ANKRD31: variants seen among roughly 807,000 people sequenced by gnomAD.
The protein encoded by ANKRD31 is ankyrin repeat domain 31.
ANKRD31 carries 147 observed loss-of-function variants against 186.0 expected under a neutral mutation model. The ratio of observed to expected loss-of-function variants is 0.79; its 90% CI spans 0.69 to 0.91. The LOEUF (loss-of-function observed/expected upper bound fraction) is 0.91, where lower values mean the gene tolerates loss of function less well. Among genes scored for constraint, ANKRD31 ranks in the 40% least tolerant of loss-of-function variants. The pLI, the probability that ANKRD31 is intolerant of heterozygous loss-of-function variation, is 0.00. For missense variants in ANKRD31, 1,986 were observed against 2,148.8 expected, an observed-to-expected ratio of 0.92 and a Z score of 1.50; for synonymous variants, 673 against 736.4, an observed-to-expected ratio of 0.91 and a Z score of 1.39.
chr5:75,110,740 C>A (rs1747711507), intron 20 of ANKRD31, among the ~76,000 whole-genome samples: 1 of 149,634 alleles, frequency 6.7e-6, no homozygotes, highest in South Asian at 2.2e-4. Flanking sequence ...AGCAACATGG[C>A]AAATGAAAAT....
chr5:75,129,368 T>C (rs898400167), intron 17 of ANKRD31, among the ~76,000 whole-genome samples: 3 of 152,332 alleles, frequency 2.0e-5, no homozygotes, highest in Non-Finnish European at 4.4e-5. Context: ...TAATACAGCT[T>C]CTTTTAGCCA....
chr5:75,068,546 A>C lies in ANKRD31; in HGVS notation c.5766T>G (p.Cys1922Trp), dbSNP rs1561386192. 4 of 1,519,482 alleles carry C rather than the reference A, an allele frequency of 2.6e-6. No homozygotes were observed. The highest frequency in any genetic ancestry group is 5.0e-5 in the East Asian group (2 of 40,338). 94.1% of individuals were successfully genotyped at this position (1,519,482 alleles called of 1,614,324 possible). Residue 1922 changes from cysteine (C) to tryptophan (W), a missense_variant, in exon 26 of 26, where the codon TGT becomes TGG. Transcript: ENST00000506364. ...CHIMDQHWKF[C>W]VECEELTP ...AGGGTGTTAGTTCCTCACATTCCAC[A>C]CAAAACTTCCAATGCTGATCCATTA...
chr5:75,192,808 T>C lies in ANKRD31; in HGVS notation c.1299-32A>G, dbSNP rs1489140958. On this transcript the variant is annotated intron_variant, in intron 8 of 25. Coordinates refer to ENST00000506364, the MANE Select transcript of ANKRD31 (RefSeq NM_001372053.1). ...AAACAACGTATTTTTTAAATGGCTATAACGGTTTTTGCAAACATTCACAGA... is the reference window on the plus strand; with the variant it reads ...AAACAACGTATTTTTTAAATGGCTACAACGGTTTTTGCAAACATTCACAGA... 4 of 1,449,422 alleles carry C rather than the reference T, an allele frequency of 2.8e-6. No homozygotes were observed. The Admixed American group carries it at 6.6e-5, about 24-fold the overall frequency. The allele number at this position is 1,449,422 out of a possible 1,614,324, so 89.8% of individuals were successfully genotyped here. A position where few individuals can be genotyped will look rare whatever the true frequency, so the allele number is the denominator to read the frequency against.
chr5:75,196,130 G>A lies in ANKRD31; in HGVS notation c.518C>T (p.Thr173Ile), dbSNP rs190794746. ...TAATGATGTCTCCTTTACAGCAACT[G>A]TATCAGATACTGTAATAGCAGTGCC... ...LSGTAITVSD[T>I]VAVKETSLVE... Residue 173 changes from threonine to isoleucine, a missense_variant, in exon 7 of 26, where the codon ACA becomes ATA. Coordinates refer to ENST00000506364, the MANE Select transcript of ANKRD31 (RefSeq NM_001372053.1). 1.3e-6 allele frequency: 2 copies of A among 1,532,820 alleles called. No homozygotes were observed. Among genetic ancestry groups the A allele is most frequent in the Admixed American group, 2.0e-5 (1 of 49,960 alleles). 95.0% of individuals were successfully genotyped at this position (1,532,820 alleles called of 1,614,324 possible). A position where few individuals can be genotyped will look rare whatever the true frequency, so the allele number is the denominator to read the frequency against.
At chr5:75,226,307 T>C (rs1015555300) in intron 2 of ANKRD31, among the ~76,000 whole-genome samples, 4 of 152,226 alleles carry the variant, frequency 2.6e-5, no homozygotes, top group Middle Eastern at 3.4e-3. Context: ...GTAGTGAACA[T>C]AGGTGGTAGC....
chr5:75,236,702 A>G lies in ANKRD31; in HGVS notation c.-16T>C. The stretch of plus-strand genomic sequence containing the variant: ...CTTCCTCCATCTTTGCCTCACATTC[A>G]AAGTCTTTTTTACCCTCCTCTAACT... On this transcript the variant is annotated 5_prime_UTR_variant, in exon 1 of 26. Transcript: ENST00000506364. The G allele has an allele frequency of 6.5e-7, 1 of 1,534,108 alleles. No homozygotes were observed. Among genetic ancestry groups the G allele is most frequent in the Non-Finnish European group, 8.7e-7 (1 of 1,144,902 alleles).
At chr5:75,121,429 G>GGA (rs1359283478) in intron 17 of ANKRD31, among the ~76,000 whole-genome samples, 6 of 151,998 alleles carry the variant, frequency 3.9e-5, no homozygotes, top group Admixed American at 3.9e-4. Flanking sequence ...AAGAAACACA[G>GGA]GAGTTAAATT....
At chr5:75,084,731 A>G (rs73127364) in intron 23 of ANKRD31, among the ~76,000 whole-genome samples, 6,587 of 152,272 alleles carry the variant, frequency 0.043, 463 homozygotes, top group African/African-American at 0.15. Flanking sequence ...CACTTATTCA[A>G]CAACTATTAA....
intron 25 of ANKRD31, among the ~76,000 whole-genome samples, chr5:75,076,416 T>C (rs1202798994): frequency 6.6e-6 from 1 of 152,196 alleles, no homozygotes; most frequent in African/African-American, 2.4e-5. Flanking sequence ...GGTTACTGGT[T>C]TATTATAGAA....
chr5:75,123,881 T>C (rs1404952480), intron 17 of ANKRD31, among the ~76,000 whole-genome samples: 2 of 151,994 alleles, frequency 1.3e-5, no homozygotes, highest in African/African-American at 4.8e-5. Flanking sequence ...AGGCAAAGAA[T>C]TCATAAGACC....
At chr5:75,145,915 T>G in intron 14 of ANKRD31, 72 bp downstream of exon 14, 2 of 1,282,400 alleles carry the variant, frequency 1.6e-6, no homozygotes, top group Non-Finnish European at 2.0e-6. Flanking sequence ...TGAATACAAT[T>G]CAGTTGGAAA....
intron 11 of ANKRD31, among the ~76,000 whole-genome samples, chr5:75,162,344 C>T (rs183993037): frequency 3.3e-5 from 5 of 152,322 alleles, no homozygotes; most frequent in Admixed American, 6.5e-5. Context: ...TTCGGACTTG[C>T]ATAGGGCCTG....
At chr5:75,234,589 T>A (rs1031328740) in intron 1 of ANKRD31, among the ~76,000 whole-genome samples, 8 of 152,268 alleles carry the variant, frequency 5.3e-5, no homozygotes, top group Non-Finnish European at 1.2e-4. Context: ...AAATATAAGC[T>A]TTCTTTCCCA....
intron 17 of ANKRD31, among the ~76,000 whole-genome samples, chr5:75,129,327 G>A (rs907165737): frequency 2.6e-5 from 4 of 152,160 alleles, no homozygotes; most frequent in African/African-American, 9.7e-5. Context: ...CCCAGCCTCA[G>A]GTAGTTTTTT....
chr5:75,225,710 G>T, intron 2 of ANKRD31: 1 of 160,832 alleles, frequency 6.2e-6, no homozygotes, highest in Non-Finnish European at 1.4e-5. Context: ...TTTCATGTCA[G>T]ACCCAGCACA....
rs193282356 is a variant in ANKRD31, at chr5:75,144,152, G to A, written c.3444C>T (p.Asn1148=). 61 of 397,186 alleles carry A rather than the reference G, an allele frequency of 1.5e-4. No individual in the cohort carries two copies. In the East Asian group the frequency reaches 2.1e-3, roughly 14 times the overall value. The allele number at this position is 397,186 out of a possible 1,614,324, so 24.6% of individuals were successfully genotyped here. A position where few individuals can be genotyped will look rare whatever the true frequency, so the allele number is the denominator to read the frequency against. Residue 1148 remains asparagine (N), a synonymous_variant, in exon 15 of 26, where the codon AAC becomes AAT. Transcript: ENST00000506364. The part of the protein sequence containing the change: ...SHKPDEELTN[N]ISGDEITIRN... ...TTATAGTTATTTCATCTCCACTGAT[G>A]TTATTAGTTAATTCCTCATCTGAAA...
chr5:75,210,708 T>C, intron 4 of ANKRD31, 120 bp downstream of exon 4: 2 of 647,768 alleles, frequency 3.1e-6, no homozygotes, highest in Non-Finnish European at 4.7e-6. Flanking sequence ...TGCTACAAAA[T>C]GGGCAATTAT....
intron 24 of ANKRD31, among the ~76,000 whole-genome samples, chr5:75,083,222 G>C (rs1300767543): frequency 6.6e-6 from 1 of 152,092 alleles, no homozygotes; most frequent in Admixed American, 6.5e-5. Flanking sequence ...GTCACGTGAG[G>C]TCAGGTGTGG....
chr5:75,142,275 T>A (rs774855046), intron 15 of ANKRD31, among the ~76,000 whole-genome samples: 1 of 152,152 alleles, frequency 6.6e-6, no homozygotes, highest in Non-Finnish European at 1.5e-5. Flanking sequence ...TCTTTAATGA[T>A]TTCTTCTACT....
Sources: allele counts gnomAD v4.1 joint callset (sites outside exome capture counted in the v4.1 genomes callset), GRCh38; gene constraint gnomAD v4.1.1; transcripts MANE v1.5; gene names NCBI Gene and HGNC (gene_info 2026-07-23, HGNC 2026-07-21).